Variants in ARNT2 observed in about 807,000 individuals in gnomAD.
ARNT2 encodes the protein aryl hydrocarbon receptor nuclear translocator 2, also known as ARNT protein 2.
Under a neutral mutation model 91.7 loss-of-function variants are expected in ARNT2, and 36 were observed. That is an observed-to-expected ratio of 0.39 (90% CI 0.30 to 0.52). The LOEUF (loss-of-function observed/expected upper bound fraction) is 0.52. Ranked by LOEUF, ARNT2 falls within the 20% of genes least tolerant of loss-of-function variation. The probability of loss-of-function intolerance (pLI) is 0.72; values close to 1 mark genes in which losing one functional copy is unlikely to be tolerated. For missense variants in ARNT2, 775 were observed against 939.3 expected, an observed-to-expected ratio of 0.83 and a Z score of 2.29; for synonymous variants, 365 against 347.1, an observed-to-expected ratio of 1.05 and a Z score of -0.57.
In ARNT2 at chr15:80,559,234, C is replaced by T. The variant is rs185602860; in HGVS notation, c.1165-3854C>T. ...TTAACATCTGATCCCACCCTGATAT[C>T]CAGGTTAAGTAACTCTCACTCTGTG... On this transcript the variant is annotated intron_variant, in intron 11 of 18. Coordinates refer to ENST00000303329, the MANE Select transcript of ARNT2 (RefSeq NM_014862.4). Among the ~76,000 whole-genome samples, 678 of 152,328 alleles carry T rather than the reference C, an allele frequency of 4.5e-3. 3 individuals carry two copies. Among genetic ancestry groups the T allele is most frequent in the Non-Finnish European group, 7.7e-3 (521 of 68,032 alleles).
intron 5 of ARNT2, among the ~76,000 whole-genome samples, chr15:80,495,888 C>T (rs1395696792): frequency 6.6e-6 from 1 of 152,228 alleles, no homozygotes; most frequent in Non-Finnish European, 1.5e-5. Flanking sequence ...TCCTTTAGCA[C>T]CTCCTCTGGG....
intron 8 of ARNT2, among the ~76,000 whole-genome samples, chr15:80,532,694 AT>A (rs1897758373): frequency 6.6e-6 from 1 of 152,176 alleles, no homozygotes; most frequent in Non-Finnish European, 1.5e-5. Flanking sequence ...TCTATCAAAA[AT>A]ATTTGCCTTT....
At chr15:80,561,035 C>T (rs1159319181) in intron 11 of ARNT2, among the ~76,000 whole-genome samples, 1 of 152,188 alleles carries the variant, frequency 6.6e-6, no homozygotes, top group African/African-American at 2.4e-5. Context: ...TGAGTCCCTG[C>T]GGGAAGTGTG....
chr15:80,576,316 GC>G (rs1898673565), intron 14 of ARNT2, among the ~76,000 whole-genome samples: 1 of 151,580 alleles, frequency 6.6e-6, no homozygotes, highest in Non-Finnish European at 1.5e-5. Flanking sequence ...TTGCTCTGTC[GC>G]CCAGGCTGGA....
chr15:80,454,204 G>A (rs181072556), intron 2 of ARNT2, among the ~76,000 whole-genome samples: 1 of 152,248 alleles, frequency 6.6e-6, no homozygotes, highest in African/African-American at 2.4e-5. Flanking sequence ...CACCTGGAAT[G>A]CATGTTTGTA....
chr15:80,489,240 C>T (rs991197281), intron 5 of ARNT2, among the ~76,000 whole-genome samples: 5 of 152,276 alleles, frequency 3.3e-5, no homozygotes, highest in Non-Finnish European at 5.9e-5. Flanking sequence ...AATGTCATGA[C>T]TCATGCCACA....
chr15:80,444,355 GGTGTGT>G lies in ARNT2; in HGVS notation c.32-6503_32-6498del, dbSNP rs59533738. The G allele has an allele frequency of 8.6e-3, 1,289 of 150,280 alleles. 15 individuals carry two copies. The highest frequency in any genetic ancestry group is 0.027 in the African/African-American group (1,075 of 40,412). The allele number at this position is 150,280 out of a possible 1,614,324, so 9.3% of individuals were successfully genotyped here. On this transcript the variant is annotated intron_variant, in intron 1 of 18. Transcript: ENST00000303329. ...CGGTGTGTGTGGTTTGTGTGTACGT[GGTGTGT>G]GTGTGTGTGTGTGTGTGTGTGGTGT... is the stretch of plus-strand genomic sequence containing the variant.
At chr15:80,499,472 T>TA (rs975533588) in intron 5 of ARNT2, among the ~76,000 whole-genome samples, 4 of 152,250 alleles carry the variant, frequency 2.6e-5, no homozygotes, top group African/African-American at 9.6e-5. Context: ...AACCAAGTGT[T>TA]AAAGACTTGA....
At position 80,463,769 on chromosome 15, in the gene ARNT2, AG is replaced by A. The variant is rs1896601845; in HGVS notation, c.194+5796del. 4.6e-5 allele frequency among the ~76,000 whole-genome samples: 7 copies of A among 152,038 alleles called. No homozygotes were observed. The South Asian group carries it at 8.3e-4, about 18-fold the overall frequency. On this transcript the variant is annotated intron_variant, in intron 3 of 18. Transcript: ENST00000303329. ...AATTTTTTGTATTTTTTGTAGAGAC[AG>A]GGTTTCACCATGTTGGCCAGGCTGG...
Position 80,506,015 on chromosome 15 carries a change from A to C in ARNT2, c.623-2141A>C, listed in dbSNP as rs189693392. Among the ~76,000 whole-genome samples the C allele has an allele frequency of 1.4e-3, 199 of 144,300 alleles. 1 individual carries two copies. Among genetic ancestry groups the C allele is most frequent in the Admixed American group, 0.013 (182 of 13,942 alleles). 94.7% of individuals were successfully genotyped at this position (144,300 alleles called of 152,430 possible). A position where few individuals can be genotyped will look rare whatever the true frequency, so the allele number is the denominator to read the frequency against. ...GCAGTGGCGCAATCTCGGCTCACTGAAAGCTCCGCTTCCCGGGTTCATGCC... is the reference window on the plus strand; with the variant it reads ...GCAGTGGCGCAATCTCGGCTCACTGCAAGCTCCGCTTCCCGGGTTCATGCC... On this transcript the variant is annotated intron_variant, in intron 5 of 18. Coordinates refer to ENST00000303329, the MANE Select transcript of ARNT2 (RefSeq NM_014862.4).
chr15:80,518,932 G>A (rs972803190), intron 8 of ARNT2, among the ~76,000 whole-genome samples: 2 of 152,126 alleles, frequency 1.3e-5, no homozygotes, highest in African/African-American at 2.4e-5. Flanking sequence ...AGATTGGGGG[G>A]GTGATTTTTC....
intron 6 of ARNT2, among the ~76,000 whole-genome samples, chr15:80,511,148 T>A (rs1398236279): frequency 6.6e-6 from 1 of 152,026 alleles, no homozygotes; most frequent in Non-Finnish European, 1.5e-5. Flanking sequence ...AGTGATAGAC[T>A]GGATAAAGAA....
At chr15:80,558,280 G>T (rs946086680) in intron 11 of ARNT2, among the ~76,000 whole-genome samples, 5 of 148,140 alleles carry the variant, frequency 3.4e-5, no homozygotes, top group Admixed American at 1.3e-4. Context: ...TTGTTTTTCT[G>T]TCTTCCTTAC....
chr15:80,472,633 G>C (rs1290920167), intron 4 of ARNT2, among the ~76,000 whole-genome samples: 1 of 152,200 alleles, frequency 6.6e-6, no homozygotes, highest in Non-Finnish European at 1.5e-5. Context: ...GTGGTAATAT[G>C]TGCCACTTGG....
At chr15:80,459,258 C>T (rs991250535) in intron 3 of ARNT2, among the ~76,000 whole-genome samples, 1 of 152,162 alleles carries the variant, frequency 6.6e-6, no homozygotes, top group Non-Finnish European at 1.5e-5. Flanking sequence ...CTTGGAGTTT[C>T]GAATCAAAAC....
intron 8 of ARNT2, among the ~76,000 whole-genome samples, chr15:80,514,635 C>T (rs1300133797): frequency 6.6e-6 from 1 of 152,198 alleles, no homozygotes; most frequent in Admixed American, 6.5e-5. Flanking sequence ...GCCTGTAATC[C>T]CAGCACTTTG....
Position 80,597,224 on chromosome 15 carries a change from C to A in ARNT2, c.*3526C>A, listed in dbSNP as rs757640496. ...TGAATGGTGGTCTCCCCACTCCCGG[C>A]AGCACTTTAGGCAGCCCATAAGCTA... On this transcript the variant is annotated 3_prime_UTR_variant, in exon 19 of 19. Transcript: ENST00000303329. 1 of 518,496 alleles carries A rather than the reference C, an allele frequency of 1.9e-6. No individual in the cohort carries two copies. Among genetic ancestry groups the A allele is most frequent in the South Asian group, 1.4e-5 (1 of 71,438 alleles). The allele number at this position is 518,496 out of a possible 1,614,324, so 32.1% of individuals were successfully genotyped here.
intron 1 of ARNT2, among the ~76,000 whole-genome samples, chr15:80,442,656 A>G (rs1010588340): frequency 4.6e-5 from 7 of 152,260 alleles, no homozygotes; most frequent in Non-Finnish European, 1.0e-4. Flanking sequence ...AGCTAGAAGT[A>G]GGCTGCTACT....
intron 1 of ARNT2, among the ~76,000 whole-genome samples, chr15:80,422,556 T>C (rs1037759595): frequency 6.6e-6 from 1 of 152,184 alleles, no homozygotes; most frequent in African/African-American, 2.4e-5. Context: ...CTTCTGAAGG[T>C]GTACTTCTGG....
Sources: gnomAD v4.1 joint callset for allele counts (sites outside exome capture counted in the v4.1 genomes callset) on GRCh38, gnomAD v4.1.1 for gene constraint, MANE v1.5 for transcripts, NCBI Gene and HGNC (gene_info 2026-07-23, HGNC 2026-07-21) for gene names.